Variants in KDM4C observed in about 807,000 individuals in gnomAD.
The protein encoded by KDM4C is lysine demethylase 4C, also known as lysine-specific demethylase 4C.
In KDM4C, 81 loss-of-function variants were observed where a neutral mutation model predicts 129.3. The observed-to-expected ratio is 0.63, with a 90% CI of 0.52 to 0.75. The LOEUF is 0.75. KDM4C is among the 30% of genes least tolerant of loss of function. The pLI, the probability that KDM4C is intolerant of heterozygous loss-of-function variation, is 0.00. For missense variants in KDM4C, 1,457 were observed against 1,304.0 expected (o/e 1.12, Z -1.81); for synonymous variants, 573 against 456.1 (o/e 1.26, Z -3.26).
At chr9:6,771,089 T>C in intron 1 of KDM4C, among the ~76,000 whole-genome samples, 1 of 130,396 alleles carries the variant, frequency 7.7e-6, no homozygotes, top group East Asian at 2.1e-4. Flanking sequence ...TCTTTTTTTT[T>C]TTTTTTTTTT....
chr9:7,067,508 T>G (rs1157917302), intron 17 of KDM4C, among the ~76,000 whole-genome samples: 1 of 152,208 alleles, frequency 6.6e-6, no homozygotes, highest in Non-Finnish European at 1.5e-5. Flanking sequence ...GTTATCAGCC[T>G]GAGACATACA....
chr9:6,851,994 C>A (rs1005174956), intron 5 of KDM4C, among the ~76,000 whole-genome samples: 1 of 152,136 alleles, frequency 6.6e-6, no homozygotes, highest in Non-Finnish European at 1.5e-5. Context: ...TCACTATTAT[C>A]CTTAACCTTG....
chr9:6,758,272 C>T lies in KDM4C; in HGVS notation c.-18+69C>T, dbSNP rs1818660310. On this transcript the variant is annotated intron_variant, in intron 1 of 21. Coordinates refer to ENST00000381309, the MANE Select transcript of KDM4C (RefSeq NM_015061.6). The surrounding 1 kb of genome is among the most constrained non-coding windows in gnomAD (Gnocchi z 4.6). ...TCCGGAGAGGTCTTCCCGGCACTGC[C>T]CCCCTCCGCGTGGGGCACGGGGGTG... 14 of 915,356 alleles carry T rather than the reference C, an allele frequency of 1.5e-5. No individual in the cohort carries two copies. Among genetic ancestry groups the T allele is most frequent in the African/African-American group, 1.8e-5 (1 of 55,658 alleles). The allele number at this position is 915,356 out of a possible 1,614,324, so 56.7% of individuals were successfully genotyped here. A position where few individuals can be genotyped will look rare whatever the true frequency, so the allele number is the denominator to read the frequency against.
At chr9:6,878,208 G>T (rs1240714701) in intron 5 of KDM4C, among the ~76,000 whole-genome samples, 1 of 152,168 alleles carries the variant, frequency 6.6e-6, no homozygotes, top group East Asian at 1.9e-4. Flanking sequence ...CGTGTACGGG[G>T]CTGTGATTGG....
At chr9:6,871,912 A>G (rs1842871482) in intron 5 of KDM4C, among the ~76,000 whole-genome samples, 1 of 152,218 alleles carries the variant, frequency 6.6e-6, no homozygotes, top group African/African-American at 2.4e-5. Flanking sequence ...AGTAGTATAT[A>G]ATACTACATA....
intron 8 of KDM4C, among the ~76,000 whole-genome samples, chr9:6,940,027 T>TTCCTTCCTTCCCTCCTTCCC (rs1825626823): frequency 7.5e-6 from 1 of 133,128 alleles, no homozygotes; most frequent in Non-Finnish European, 1.6e-5. Flanking sequence ...CCTTCCTTCC[T>TTCCTTCCTTCCCTCCTTCCC]TCCTTCTTTC....
At chr9:6,816,944 A>G (rs867383781) in intron 4 of KDM4C, among the ~76,000 whole-genome samples, 5 of 152,012 alleles carry the variant, frequency 3.3e-5, no homozygotes, top group Middle Eastern at 6.8e-3. Context: ...GTAGTAGCAC[A>G]ATTTCAAATA....
intron 4 of KDM4C, among the ~76,000 whole-genome samples, chr9:6,838,589 T>C (rs1160879962): frequency 6.6e-6 from 1 of 152,194 alleles, no homozygotes; most frequent in Admixed American, 6.5e-5. Context: ...CTTTATCTTT[T>C]TATGTGGCAC....
intron 1 of KDM4C, among the ~76,000 whole-genome samples, chr9:6,778,300 G>A (rs1823534513): frequency 6.6e-6 from 1 of 150,784 alleles, no homozygotes; most frequent in Admixed American, 6.6e-5. Context: ...ATGTTGGCCA[G>A]GCTGGTCTTG....
intron 6 of KDM4C, among the ~76,000 whole-genome samples, chr9:6,886,987 T>G (rs1029671370): frequency 1.3e-5 from 2 of 152,210 alleles, no homozygotes; most frequent in Admixed American, 6.5e-5. Context: ...TTCCAGCAGT[T>G]TCCCCCCTCA....
chr9:6,880,453 GTTTTTTCATGACTACTT>G (rs1844264541), intron 6 of KDM4C, among the ~76,000 whole-genome samples: 2 of 152,014 alleles, frequency 1.3e-5, no homozygotes, highest in South Asian at 4.1e-4. Context: ...TTGGGGTATG[GTTTTTTCATGACTACTT>G]TTTCTGTTGA....
chr9:6,959,845 T>C (rs1829730308), intron 8 of KDM4C, among the ~76,000 whole-genome samples: 1 of 152,138 alleles, frequency 6.6e-6, no homozygotes, highest in African/African-American at 2.4e-5. Context: ...TCACCAGGCA[T>C]GTTCTTATTT....
intron 3 of KDM4C, among the ~76,000 whole-genome samples, chr9:6,807,790 T>TGG (rs752540856): frequency 0.01 from 1,100 of 109,576 alleles, 19 homozygotes; most frequent in Middle Eastern, 0.048. Context: ...GGGAGGGAGG[T>TGG]GGGGGGGGGG....
intron 8 of KDM4C, among the ~76,000 whole-genome samples, chr9:6,960,646 A>C (rs1468747754): frequency 1.3e-5 from 2 of 152,336 alleles, no homozygotes; most frequent in African/African-American, 2.4e-5. Flanking sequence ...AAGATGGTTT[A>C]AAGATGATTT....
At chr9:7,169,557 C>T (rs1319475994) in intron 20 of KDM4C, among the ~76,000 whole-genome samples, 5 of 152,154 alleles carry the variant, frequency 3.3e-5, no homozygotes, top group African/African-American at 1.2e-4. Context: ...TGGTCTCGAT[C>T]TCCTGACCTT....
chr9:6,775,825 A>G (rs1822910602), intron 1 of KDM4C, among the ~76,000 whole-genome samples: 1 of 152,080 alleles, frequency 6.6e-6, no homozygotes, highest in Admixed American at 6.6e-5. Flanking sequence ...CCAGCGACAA[A>G]TGGTTTTTAA....
At chr9:7,063,089 A>G (rs965643397) in intron 17 of KDM4C, among the ~76,000 whole-genome samples, 4 of 152,226 alleles carry the variant, frequency 2.6e-5, no homozygotes, top group Non-Finnish European at 5.9e-5. Context: ...TGGAAATGAA[A>G]TAGCATTAGC....
intron 2 of KDM4C, among the ~76,000 whole-genome samples, chr9:6,796,450 C>A (rs896629760): frequency 1.3e-5 from 2 of 152,124 alleles, no homozygotes; most frequent in African/African-American, 2.4e-5. Flanking sequence ...CCTGTTCTCT[C>A]CCACTTTTGT....
chr9:6,886,865 G>A (rs912398732), intron 6 of KDM4C, among the ~76,000 whole-genome samples: 2 of 152,102 alleles, frequency 1.3e-5, no homozygotes, highest in Non-Finnish European at 2.9e-5. Flanking sequence ...TGATCCACCT[G>A]CCTTGGCTTC....
Sources: allele counts gnomAD v4.1 joint callset (sites outside exome capture counted in the v4.1 genomes callset), GRCh38; gene constraint gnomAD v4.1.1; non-coding constraint Gnocchi (gnomAD v3.1); transcripts MANE v1.5; gene names NCBI Gene and HGNC (gene_info 2026-07-23, HGNC 2026-07-21).